ADGRL2: variants seen among roughly 807,000 people sequenced by gnomAD.
ADGRL2 encodes the protein calcium-independent alpha-latrotoxin receptor 2.
ADGRL2 carries 44 observed loss-of-function variants against 157.4 expected under a neutral mutation model. The ratio of observed to expected loss-of-function variants is 0.28; its 90% confidence interval spans 0.22 to 0.36. The LOEUF is 0.36. Among genes scored for constraint, ADGRL2 ranks in the 10% least tolerant of loss-of-function variants. The pLI, the probability that ADGRL2 is intolerant of heterozygous loss-of-function variation, is 1.00. For missense variants in ADGRL2, 1,510 were observed against 1,768.9 expected, an observed-to-expected ratio of 0.85 and a Z score of 2.63; for synonymous variants, 585 against 624.7, an observed-to-expected ratio of 0.94 and a Z score of 0.95.
chr1:81,316,134 A>G (rs12061350), intron 1 of ADGRL2, among the ~76,000 whole-genome samples: 67,104 of 134,634 alleles, frequency 0.5, 15,238 homozygotes, highest in Middle Eastern at 0.6. Context: ...AAAAAACAAA[A>G]AAAAAAAAGA....
intron 1 of ADGRL2, among the ~76,000 whole-genome samples, chr1:81,353,863 G>A (rs1016142160): frequency 1.3e-5 from 2 of 152,170 alleles, no homozygotes; most frequent in Non-Finnish European, 2.9e-5. Flanking sequence ...CTAAAGGTAA[G>A]TGAAATCATG....
chr1:81,923,087 C>T (rs897638818), intron 3 of ADGRL2, among the ~76,000 whole-genome samples: 1 of 152,126 alleles, frequency 6.6e-6, no homozygotes, highest in Non-Finnish European at 1.5e-5. Flanking sequence ...AGTTGGTGTT[C>T]AGTTATCAAG....
chr1:81,937,098 A>G (rs965372471), intron 4 of ADGRL2, among the ~76,000 whole-genome samples: 4 of 151,916 alleles, frequency 2.6e-5, no homozygotes, highest in African/African-American at 9.7e-5. Flanking sequence ...TGAATTAGCT[A>G]TTCAATACGG....
At position 81,842,353 on chromosome 1, in the gene ADGRL2, CTTTTTTTTTT is replaced by C. The variant is rs71085377; in HGVS notation, c.73+5309_73+5318del. 3.1e-3 allele frequency among the ~76,000 whole-genome samples: 169 copies of C among 54,964 alleles called. 1 individual carries two copies. In the Middle Eastern group the frequency reaches 0.12, roughly 41 times the overall value. The allele number at this position is 54,964 out of a possible 152,430, so 36.1% of individuals were successfully genotyped here. A position where few individuals can be genotyped will look rare whatever the true frequency, so the allele number is the denominator to read the frequency against. ...AAAGGATTTTTTTTTTCTTTTAGCG[CTTTTTTTTTT>C]TTTTTTTTTTTTAAGATGGAGTCTC... On this transcript the variant is annotated intron_variant, in intron 2 of 23. Transcript: ENST00000686636.
At chr1:81,689,545 C>T (rs2083291810) in intron 3 of ADGRL2, among the ~76,000 whole-genome samples, 1 of 152,220 alleles carries the variant, frequency 6.6e-6, no homozygotes, top group Non-Finnish European at 1.5e-5. Context: ...TTCACACTCT[C>T]ATTCTGAGAT....
chr1:81,313,323 A>C (rs1049926666), intron 1 of ADGRL2, among the ~76,000 whole-genome samples: 1 of 152,234 alleles, frequency 6.6e-6, no homozygotes, highest in Non-Finnish European at 1.5e-5. Context: ...GTAAATTAGC[A>C]TATCCTTAAA....
chr1:81,726,156 G>A (rs2084521852), intron 1 of ADGRL2, among the ~76,000 whole-genome samples: 1 of 152,048 alleles, frequency 6.6e-6, no homozygotes, highest in South Asian at 2.1e-4. Context: ...TGTCCCTTGG[G>A]GAAACTGCAG....
At chr1:81,919,340 T>A (rs1485421541) in intron 3 of ADGRL2, among the ~76,000 whole-genome samples, 1 of 152,142 alleles carries the variant, frequency 6.6e-6, no homozygotes, top group African/African-American at 2.4e-5. Flanking sequence ...CAAAACTAAA[T>A]GGAGGAATAA....
At chr1:81,829,947 C>G (rs1374541947) in intron 1 of ADGRL2, among the ~76,000 whole-genome samples, 1 of 152,138 alleles carries the variant, frequency 6.6e-6, no homozygotes, top group Non-Finnish European at 1.5e-5. Context: ...TTGACCTCTT[C>G]ATTAAGATGA....
In ADGRL2 at chr1:81,836,992, C is replaced by T. The variant is rs148990237; in HGVS notation, c.8C>T (p.Ser3Phe). The T allele has an allele frequency of 4.6e-5, 73 of 1,588,462 alleles. No individual in the cohort carries two copies. In the African/African-American group the frequency reaches 9.1e-4, roughly 20 times the overall value. Residue 3 changes from serine to phenylalanine, a missense_variant, in exon 2 of 24, where the codon TCT becomes TTT. Ser to Phe is a radical substitution (Grantham distance 155). Transcript: ENST00000686636. Reference protein sequence around the residue: MVSSGCRMRSLWF... With the variant: MVFSGCRMRSLWF... ...TACTTAAAGGGATCAATAATGGTGT[C>T]TTCTGGTTGCAGAATGCGAAGTCTG... is the stretch of plus-strand genomic sequence containing the variant.
At chr1:81,472,485 G>T (rs1390665310) in intron 2 of ADGRL2, among the ~76,000 whole-genome samples, 1 of 152,170 alleles carries the variant, frequency 6.6e-6, no homozygotes, top group Non-Finnish European at 1.5e-5. Flanking sequence ...CAAAAAATTA[G>T]CCGGGGGTGG....
rs886417959 is a variant in ADGRL2, at chr1:81,803,434, T to TC, written c.-101+2373dup. On this transcript the variant is annotated intron_variant, in intron 1 of 23. Transcript: ENST00000686636. ...AGTGTCGCTGAGTGGAGGCTTTTTT[T>TC]CCCCCCCTCCAATCCTCTGTTCACT... is the stretch of plus-strand genomic sequence containing the variant. Among the ~76,000 whole-genome samples, 10 of 151,590 alleles carry TC rather than the reference T, an allele frequency of 6.6e-5. No homozygotes were observed. The East Asian group carries it at 1.4e-3, about 21-fold the overall frequency.
chr1:81,486,141 C>T (rs1196818377), intron 2 of ADGRL2, among the ~76,000 whole-genome samples: 2 of 152,104 alleles, frequency 1.3e-5, no homozygotes, highest in East Asian at 1.9e-4. Flanking sequence ...AATTATTTGC[C>T]GCTTGGTTTA....
intron 2 of ADGRL2, among the ~76,000 whole-genome samples, chr1:81,786,179 T>G (rs1373887063): frequency 6.6e-6 from 1 of 152,146 alleles, no homozygotes; most frequent in East Asian, 1.9e-4. Context: ...TGCTAAAAAT[T>G]TGTATATGAA....
chr1:81,314,017 T>A (rs532209892), intron 1 of ADGRL2, among the ~76,000 whole-genome samples: 1 of 152,282 alleles, frequency 6.6e-6, no homozygotes, highest in Admixed American at 6.5e-5. Flanking sequence ...TGTAATTACG[T>A]CGATAGTGAA....
At chr1:81,773,105 T>C (rs572596447) in intron 2 of ADGRL2, among the ~76,000 whole-genome samples, 33 of 152,316 alleles carry the variant, frequency 2.2e-4, no homozygotes, top group Admixed American at 5.9e-4. Flanking sequence ...TCTGTCCCTA[T>C]AATTTTTTAA....
intron 2 of ADGRL2, among the ~76,000 whole-genome samples, chr1:81,897,197 C>A (rs2151545378): frequency 6.6e-6 from 1 of 151,928 alleles, no homozygotes; most frequent in East Asian, 1.9e-4. Context: ...TGTTGCCTAA[C>A]AGAAAAATGA....
upstream of ADGRL2, among the ~76,000 whole-genome samples, chr1:81,796,928 T>C (rs1410004547): frequency 1.3e-5 from 2 of 152,216 alleles, no homozygotes; most frequent in Admixed American, 6.5e-5. Flanking sequence ...GCTAAAACCT[T>C]ACTGGCTTTG....
intron 1 of ADGRL2, among the ~76,000 whole-genome samples, chr1:81,437,206 G>C (rs1361574733): frequency 6.6e-6 from 1 of 152,170 alleles, no homozygotes; most frequent in African/African-American, 2.4e-5. Context: ...TGAAGGTTAA[G>C]AACAGATGAG....
Sources: gnomAD v4.1 joint callset for allele counts (sites outside exome capture counted in the v4.1 genomes callset) on GRCh38, gnomAD v4.1.1 for gene constraint, MANE v1.5 for transcripts, NCBI Gene and HGNC (gene_info 2026-07-23, HGNC 2026-07-21) for gene names.